The following CEP128 variants were observed in gnomAD, a reference collection of about 807,000 sequenced individuals.
CEP128 encodes centrosomal protein 128, also known as centrosomal protein 128kDa.
Under a neutral mutation model 156.7 loss-of-function variants are expected in CEP128, and 132 were observed. The ratio of observed to expected loss-of-function variants is 0.84; its 90% confidence interval spans 0.73 to 0.97. CEP128 has a LOEUF of 0.97. Ranked by LOEUF, CEP128 falls within the 50% of genes least tolerant of loss-of-function variation. The pLI is 0.00. For missense variants in CEP128, 1,252 were observed against 1,281.9 expected (o/e 0.98, Z 0.36); for synonymous variants, 469 against 448.9 (o/e 1.04, Z -0.57).
intron 19 of CEP128, among the ~76,000 whole-genome samples, chr14:80,600,444 C>G (rs1892532958): frequency 6.6e-6 from 1 of 151,932 alleles, no homozygotes; most frequent in South Asian, 2.1e-4. Flanking sequence ...GGCTAGAAGG[C>G]AGTGGATTAC....
intron 13 of CEP128, among the ~76,000 whole-genome samples, chr14:80,807,953 C>G (rs1184834842): frequency 6.6e-6 from 1 of 152,148 alleles, no homozygotes; most frequent in African/African-American, 2.4e-5. Context: ...CTCTAGCACA[C>G]AGGAAGTATG....
chr14:80,774,036 C>T (rs1017286220), intron 16 of CEP128, among the ~76,000 whole-genome samples: 3 of 152,042 alleles, frequency 2.0e-5, no homozygotes, highest in Admixed American at 2.0e-4. Flanking sequence ...TTTGATAAAG[C>T]AAAATCAGAT....
At chr14:80,797,233 G>A (rs1299543885) in intron 13 of CEP128, among the ~76,000 whole-genome samples, 1 of 152,172 alleles carries the variant, frequency 6.6e-6, no homozygotes, top group African/African-American at 2.4e-5. Flanking sequence ...CAAGCCCAGA[G>A]CTTACGCAGG....
chr14:80,530,406 G>GTA (rs1375677711), intron 22 of CEP128, among the ~76,000 whole-genome samples: 3 of 152,204 alleles, frequency 2.0e-5, no homozygotes, highest in Non-Finnish European at 4.4e-5. Context: ...ATGTCATAGT[G>GTA]TAAAGATAAC....
rs930252274 is a variant in CEP128 at position 80,939,438 on chromosome 14, T to C, written c.-69A>G. ...TCTTCTCTGAGCTCAACGCTCTTTT[T>C]AGGCACATATGTCTGCCTCCTATCA... On this transcript the variant is annotated 5_prime_UTR_variant, in exon 2 of 25. Coordinates refer to ENST00000555265, the MANE Select transcript of CEP128 (RefSeq NM_152446.5). 2.6e-5 allele frequency: 4 copies of C among 152,198 alleles called. No homozygotes were observed. The highest frequency in any genetic ancestry group is 7.2e-5 in the African/African-American group (3 of 41,450). 9.4% of individuals were successfully genotyped at this position (152,198 alleles called of 1,614,324 possible).
chr14:80,667,240 C>T lies in CEP128; in HGVS notation c.2806+75835G>A, dbSNP rs536213094. ...TTAGAAGGCAGGCTGATGAAAAATG[C>T]TGCCTGAGACCATGAGGCTGACTGA... On this transcript the variant is annotated intron_variant, in intron 19 of 24. Transcript: ENST00000555265. Among the ~76,000 whole-genome samples the T allele has an allele frequency of 1.7e-4, 26 of 152,310 alleles. No homozygotes were observed. In the South Asian group the frequency reaches 4.4e-3, roughly 25 times the overall value.
At chr14:80,597,052 A>G (rs898653564) in intron 19 of CEP128, among the ~76,000 whole-genome samples, 1 of 151,780 alleles carries the variant, frequency 6.6e-6, no homozygotes, top group African/African-American at 2.4e-5. Flanking sequence ...AGTAATAAAG[A>G]TAAGAACAAA....
chr14:80,653,843 T>C (rs917816524), intron 19 of CEP128, among the ~76,000 whole-genome samples: 3 of 152,170 alleles, frequency 2.0e-5, no homozygotes, highest in African/African-American at 7.2e-5. Flanking sequence ...GTTCAGAAAG[T>C]TTCTTCATTT....
rs182996158 is a variant in CEP128, at chr14:80,649,819, C to A, written c.2807-69396G>T. On this transcript the variant is annotated intron_variant, in intron 19 of 24. Coordinates refer to ENST00000555265, the MANE Select transcript of CEP128 (RefSeq NM_152446.5). Reference sequence around the variant, plus strand: ...TACCATGCTGTTTTGGTTACTGTAGCCTTATAGTATAGTTTGAAGTCAGGT... The same window carrying A: ...TACCATGCTGTTTTGGTTACTGTAGACTTATAGTATAGTTTGAAGTCAGGT... Among the ~76,000 whole-genome samples, 7 of 152,180 alleles carry A rather than the reference C, an allele frequency of 4.6e-5. No homozygotes were observed. The East Asian group carries it at 1.4e-3, about 29-fold the overall frequency.
At chr14:80,606,320 T>C in intron 19 of CEP128, among the ~76,000 whole-genome samples, 1 of 152,142 alleles carries the variant, frequency 6.6e-6, no homozygotes, top group South Asian at 2.1e-4. Context: ...CTTTTTTGCT[T>C]CTGGATATGC....
Position 80,914,350 on chromosome 14 carries a change from C to A in CEP128, c.206G>T (p.Ser69Ile). The change falls in exon 4 of 25, where the codon AGT becomes ATT. Residue 69 changes from serine to isoleucine, a missense_variant. Coordinates refer to ENST00000555265, the MANE Select transcript of CEP128 (RefSeq NM_152446.5). ...DQMLGRYREYSNGQAGAIEHL... is the reference protein window; with the variant it reads ...DQMLGRYREYINGQAGAIEHL... ...TTCTATCGCACCCGCCTGTCCATTA[C>A]TGTATTCTCGGTATCGTCCAAGCAT... The A allele has an allele frequency of 6.2e-7, 1 of 1,613,912 alleles. No individual in the cohort carries two copies.
At chr14:80,954,819 T>C (rs1437017554) in intron 2 of CEP128, among the ~76,000 whole-genome samples, 1 of 152,238 alleles carries the variant, frequency 6.6e-6, no homozygotes, top group East Asian at 1.9e-4. Context: ...CCAGGGGGAA[T>C]ATGACTCAAT....
At chr14:80,783,756 T>C (rs1901248176) in intron 15 of CEP128, among the ~76,000 whole-genome samples, 1 of 152,142 alleles carries the variant, frequency 6.6e-6, no homozygotes, top group Non-Finnish European at 1.5e-5. Context: ...ATTATGATGG[T>C]TTCATAGGCA....
chr14:80,704,359 A>G (rs578070994), intron 19 of CEP128, among the ~76,000 whole-genome samples: 1 of 152,108 alleles, frequency 6.6e-6, no homozygotes. Context: ...AACATATTGT[A>G]TATAAAATGA....
intron 19 of CEP128, among the ~76,000 whole-genome samples, chr14:80,728,547 G>A (rs1289162062): frequency 6.6e-6 from 1 of 152,000 alleles, no homozygotes; most frequent in Non-Finnish European, 1.5e-5. Context: ...CATTTTAAAT[G>A]TTTGCTCCAC....
At chr14:80,683,586 T>G (rs904058368) in intron 19 of CEP128, among the ~76,000 whole-genome samples, 2 of 151,978 alleles carry the variant, frequency 1.3e-5, no homozygotes, top group African/African-American at 4.8e-5. Context: ...ACTAACAAAT[T>G]CTAGACTTAA....
chr14:80,663,997 C>G (rs1369974913), intron 19 of CEP128, among the ~76,000 whole-genome samples: 3 of 152,150 alleles, frequency 2.0e-5, no homozygotes, highest in Non-Finnish European at 4.4e-5. Context: ...TCTCAGCAGC[C>G]CCCAATATAA....
chr14:80,764,221 G>A (rs548926672), intron 16 of CEP128, among the ~76,000 whole-genome samples: 3 of 152,094 alleles, frequency 2.0e-5, no homozygotes, highest in Non-Finnish European at 4.4e-5. Flanking sequence ...TTATCCGGCC[G>A]GGCGCGGTGG....
At position 80,930,027 on chromosome 14, in the gene CEP128, C is replaced by T. The variant is rs537853567; in HGVS notation, c.-16+9358G>A. Among the ~76,000 whole-genome samples, 15 of 152,270 alleles carry T rather than the reference C, an allele frequency of 9.9e-5. No individual in the cohort carries two copies. The South Asian group carries it at 1.7e-3, about 17-fold the overall frequency. The stretch of plus-strand genomic sequence containing the variant: ...TGAGCTCCACTTTCTGTCAGATCAG[C>T]GGTGGCATTAGATTGTCCTAGGAGC... On this transcript the variant is annotated intron_variant, in intron 2 of 24. Transcript: ENST00000555265.
Sources: gnomAD v4.1 joint callset for allele counts (sites outside exome capture counted in the v4.1 genomes callset) on GRCh38, gnomAD v4.1.1 for gene constraint, MANE v1.5 for transcripts, NCBI Gene and HGNC (gene_info 2026-07-23, HGNC 2026-07-21) for gene names.